MYO10: variants seen among roughly 807,000 people sequenced by gnomAD.
MYO10 encodes unconventional myosin-X.
In MYO10, 133 loss-of-function variants were observed where a neutral mutation model predicts 257.3. The ratio of observed to expected loss-of-function variants is 0.52; its 90% CI spans 0.45 to 0.60. MYO10 has a LOEUF of 0.60. MYO10 is among the 20% of genes least tolerant of loss of function. The pLI is 0.00. For missense variants in MYO10, 2,399 were observed against 2,635.7 expected, an observed-to-expected ratio of 0.91 and a Z score of 1.97; for synonymous variants, 1,104 against 1,028.6, an observed-to-expected ratio of 1.07 and a Z score of -1.40.
chr5:16,935,155 C>T (rs1024977629), intron 1 of MYO10, among the ~76,000 whole-genome samples: 1 of 152,248 alleles, frequency 6.6e-6, no homozygotes, highest in Non-Finnish European at 1.5e-5. Context: ...TTGCCCTAAA[C>T]GAATTTTCTT....
intron 25 of MYO10, among the ~76,000 whole-genome samples, chr5:16,699,803 AAAAAG>A (rs1438731141): frequency 3.5e-4 from 52 of 147,024 alleles, no homozygotes; most frequent in African/African-American, 1.3e-3. Context: ...AAAAAAAAAA[AAAAAG>A]GGAAAAGGAA....
intron 2 of MYO10, among the ~76,000 whole-genome samples, chr5:16,826,681 C>T (rs1204126581): frequency 1.3e-5 from 2 of 152,152 alleles, no homozygotes; most frequent in Non-Finnish European, 2.9e-5. Flanking sequence ...TGTCATAACA[C>T]TCTCTTCTCC....
intron 2 of MYO10, among the ~76,000 whole-genome samples, chr5:16,866,058 C>CACACACAAAA (rs1491356491): frequency 3.0e-5 from 4 of 131,532 alleles, no homozygotes; most frequent in African/African-American, 1.1e-4. Context: ...CACACACACA[C>CACACACAAAA]AAAACAATAG....
At chr5:16,865,329 C>T (rs1015354461) in intron 2 of MYO10, among the ~76,000 whole-genome samples, 5 of 152,244 alleles carry the variant, frequency 3.3e-5, no homozygotes, top group African/African-American at 1.2e-4. Flanking sequence ...ATATTCATAG[C>T]ACGTGGCCAG....
intron 19 of MYO10, among the ~76,000 whole-genome samples, chr5:16,725,326 C>A (rs1739318377): frequency 6.6e-6 from 1 of 151,972 alleles, no homozygotes; most frequent in African/African-American, 2.4e-5. Flanking sequence ...GAACTCCTGA[C>A]CTTGTGATCT....
At chr5:16,671,619 A>T (rs975249174) in intron 37 of MYO10, 77 bp from the exon 38 acceptor site, 1 of 1,555,510 alleles carries the variant, frequency 6.4e-7, no homozygotes, top group Non-Finnish European at 8.8e-7. Context: ...CTGACTTTAC[A>T]TGGTGTATTC....
intron 19 of MYO10, among the ~76,000 whole-genome samples, chr5:16,721,964 A>G (rs1387811221): frequency 6.6e-6 from 1 of 152,172 alleles, no homozygotes; most frequent in African/African-American, 2.4e-5. Context: ...TTACCTTCCC[A>G]GTCAATACGC....
chr5:16,695,803 G>A (rs138070958), intron 26 of MYO10, among the ~76,000 whole-genome samples: 49 of 152,234 alleles, frequency 3.2e-4, no homozygotes, highest in South Asian at 2.3e-3. Flanking sequence ...CCTTTTATGC[G>A]TTCACTGTGT....
intron 9 of MYO10, among the ~76,000 whole-genome samples, chr5:16,769,751 C>CATACAAG (rs1740989466): frequency 1.3e-5 from 2 of 152,134 alleles, no homozygotes; most frequent in Admixed American, 6.6e-5. Flanking sequence ...CATAGTGTCC[C>CATACAAG]CCTTACATAC....
intron 2 of MYO10, among the ~76,000 whole-genome samples, chr5:16,874,350 G>T (rs865991493): frequency 2.7e-5 from 3 of 110,280 alleles, no homozygotes; most frequent in Non-Finnish European, 3.8e-5. Context: ...AAAGCGGGGG[G>T]GGGGGGGGGT....
intron 26 of MYO10, among the ~76,000 whole-genome samples, chr5:16,696,511 ATG>A (rs967674669): frequency 2.7e-4 from 41 of 152,188 alleles, no homozygotes; most frequent in African/African-American, 9.4e-4. Context: ...AATACTTTGA[ATG>A]TGTCTTTACT....
At chr5:16,716,650 C>T (rs948619205) in intron 19 of MYO10, among the ~76,000 whole-genome samples, 80 of 151,806 alleles carry the variant, frequency 5.3e-4, no homozygotes, top group African/African-American at 1.9e-3. Context: ...TTGAGAAACT[C>T]GCAAAAACCA....
At chr5:16,698,792 T>G (rs922182992) in intron 26 of MYO10, among the ~76,000 whole-genome samples, 1 of 149,882 alleles carries the variant, frequency 6.7e-6, no homozygotes, top group Non-Finnish European at 1.5e-5. Context: ...CCCGGCTAAT[T>G]TTTTGTATTT....
At chr5:16,847,743 G>C (rs1743679103) in intron 2 of MYO10, among the ~76,000 whole-genome samples, 1 of 151,816 alleles carries the variant, frequency 6.6e-6, no homozygotes, top group Non-Finnish European at 1.5e-5. Flanking sequence ...AAAAATTGCT[G>C]GGCACTGTGG....
At chr5:16,783,519 A>C (rs1486311426) in intron 4 of MYO10, 50 bp from the exon 5 acceptor site, 2 of 1,561,880 alleles carry the variant, frequency 1.3e-6, no homozygotes, top group Non-Finnish European at 8.7e-7. Context: ...ATTTTTAAAA[A>C]AAAATCAGCT....
intron 1 of MYO10, among the ~76,000 whole-genome samples, chr5:16,903,505 G>A (rs1745442253): frequency 6.6e-6 from 1 of 152,156 alleles, no homozygotes; most frequent in Non-Finnish European, 1.5e-5. Flanking sequence ...GCTAACAGGT[G>A]GTAAACGGGT....
intron 4 of MYO10, among the ~76,000 whole-genome samples, chr5:16,787,763 G>C (rs1741631458): frequency 6.6e-6 from 1 of 152,100 alleles, no homozygotes; most frequent in African/African-American, 2.4e-5. Context: ...TCCTAAGCAG[G>C]AGAGTGTCAT....
chr5:16,887,659 T>A (rs927072924), intron 1 of MYO10, among the ~76,000 whole-genome samples: 2 of 152,026 alleles, frequency 1.3e-5, no homozygotes, highest in Non-Finnish European at 2.9e-5. Flanking sequence ...CTGGGCTAAT[T>A]TTTGTATTTT....
intron 2 of MYO10, among the ~76,000 whole-genome samples, chr5:16,822,806 G>T (rs1156437964): frequency 6.6e-6 from 1 of 151,596 alleles, no homozygotes; most frequent in Non-Finnish European, 1.5e-5. Flanking sequence ...TCCTGCCTCA[G>T]CCTCCCGCGT....
Sources: allele counts gnomAD v4.1 joint callset (sites outside exome capture counted in the v4.1 genomes callset), GRCh38; gene constraint gnomAD v4.1.1; transcripts MANE v1.5; gene names NCBI Gene and HGNC (gene_info 2026-07-23, HGNC 2026-07-21).